The following KHDRBS2 variants were observed in gnomAD, a reference collection of about 807,000 sequenced individuals.
KHDRBS2 encodes the protein KH domain-containing, RNA-binding, signal transduction-associated protein 2.
In KHDRBS2, 26 loss-of-function variants were observed where a neutral mutation model predicts 44.3. That is an observed-to-expected ratio of 0.59 (90% CI 0.43 to 0.81). The LOEUF is 0.81. Among genes scored for constraint, KHDRBS2 ranks in the 40% least tolerant of loss-of-function variants. The probability of loss-of-function intolerance (pLI) is 0.00; values close to 1 mark genes in which losing one functional copy is unlikely to be tolerated. For synonymous variants in KHDRBS2, 194 were observed against 151.1 expected (o/e 1.28, Z -2.08); for missense variants, 476 against 433.1 (o/e 1.10, Z -0.88).
chr6:61,637,367 C>G, the KHDRBS2 span, among the ~76,000 whole-genome samples: 1 of 152,140 alleles, frequency 6.6e-6, no homozygotes, highest in Non-Finnish European at 1.5e-5. Flanking sequence ...ATGAACTCAT[C>G]ATTTTTTATG....
At chr6:62,118,366 T>A (rs184373571) in intron 2 of KHDRBS2, among the ~76,000 whole-genome samples, 22 of 152,312 alleles carry the variant, frequency 1.4e-4, no homozygotes, top group Admixed American at 1.4e-3. Context: ...CAAGATTGCT[T>A]TGGCTATTTG....
the KHDRBS2 span, chr6:61,659,248 T>A: frequency 4.6e-5 from 7 of 151,858 alleles, no homozygotes; most frequent in South Asian, 2.1e-4. Flanking sequence ...AATATAAACA[T>A]GAGGTGCTGA....
the KHDRBS2 span, among the ~76,000 whole-genome samples, chr6:61,659,605 C>T: frequency 6.6e-6 from 1 of 151,542 alleles, no homozygotes; most frequent in Non-Finnish European, 1.5e-5. Flanking sequence ...GAACTAAAAC[C>T]CAAATGAATT....
At chr6:62,272,529 G>A (rs1251664574) in intron 1 of KHDRBS2, among the ~76,000 whole-genome samples, 1 of 152,122 alleles carries the variant, frequency 6.6e-6, no homozygotes, top group Non-Finnish European at 1.5e-5. Context: ...TGCCCACTGA[G>A]GCATTCCATC....
At chr6:62,242,941 A>T (rs1477754169) in intron 1 of KHDRBS2, among the ~76,000 whole-genome samples, 1 of 152,162 alleles carries the variant, frequency 6.6e-6, no homozygotes, top group Non-Finnish European at 1.5e-5. Flanking sequence ...TCACAGAATG[A>T]CAAAAGGTAT....
chr6:61,945,125 A>G (rs796331283), intron 4 of KHDRBS2, among the ~76,000 whole-genome samples: 3,995 of 83,738 alleles, frequency 0.048, 558 homozygotes, highest in East Asian at 0.21. Context: ...ATATATATAT[A>G]TATATATATA....
chr6:61,615,384 G>A, the KHDRBS2 span, among the ~76,000 whole-genome samples: 664 of 152,222 alleles, frequency 4.4e-3, 6 homozygotes, highest in African/African-American at 0.015. Context: ...ACTTAGCAAA[G>A]TGCTGAACCT....
rs143701764 is a variant in KHDRBS2 at position 62,279,476 on chromosome 6, T to C, written c.91+6382A>G. Among the ~76,000 whole-genome samples the C allele has an allele frequency of 2.6e-3, 395 of 152,290 alleles. 1 individual carries two copies. The highest frequency in any genetic ancestry group is 9.1e-3 in the African/African-American group (379 of 41,554). Reference sequence around the variant, plus strand: ...GAAACATTTATTGAGGCCTTCTACATATAAGACTGAAGGCAAGCATTAAAA... The same window carrying C: ...GAAACATTTATTGAGGCCTTCTACACATAAGACTGAAGGCAAGCATTAAAA... On this transcript the variant is annotated intron_variant, in intron 1 of 8. Coordinates refer to ENST00000281156, the MANE Select transcript of KHDRBS2 (RefSeq NM_152688.4).
intron 6 of KHDRBS2, among the ~76,000 whole-genome samples, chr6:61,876,700 C>T (rs1799457625): frequency 6.6e-6 from 1 of 151,944 alleles, no homozygotes; most frequent in Admixed American, 6.6e-5. Flanking sequence ...ACGGGAGGAG[C>T]TTGAAATCAA....
intron 1 of KHDRBS2, among the ~76,000 whole-genome samples, chr6:62,221,994 A>G (rs1346620143): frequency 6.6e-6 from 1 of 152,222 alleles, no homozygotes; most frequent in Non-Finnish European, 1.5e-5. Flanking sequence ...AGTAGCAAAA[A>G]TAAATCAAAT....
chr6:62,188,999 C>A (rs1391712032), intron 1 of KHDRBS2, among the ~76,000 whole-genome samples: 4 of 152,078 alleles, frequency 2.6e-5, no homozygotes, highest in Non-Finnish European at 4.4e-5. Flanking sequence ...CCTGTAATCC[C>A]ATCTACTCAA....
chr6:61,749,158 G>A (rs1169776914), intron 6 of KHDRBS2, among the ~76,000 whole-genome samples: 1 of 151,320 alleles, frequency 6.6e-6, no homozygotes. Context: ...GACTACAGGC[G>A]CCCGCCACCA....
At chr6:61,628,734 T>C in the KHDRBS2 span, among the ~76,000 whole-genome samples, 2 of 152,336 alleles carry the variant, frequency 1.3e-5, no homozygotes, top group South Asian at 2.1e-4. Context: ...ATTGTATGCA[T>C]ACTTCCATAC....
chr6:62,188,168 C>G (rs1378436426), intron 1 of KHDRBS2, among the ~76,000 whole-genome samples: 1 of 152,048 alleles, frequency 6.6e-6, no homozygotes, highest in Non-Finnish European at 1.5e-5. Flanking sequence ...ACACCTCCCA[C>G]TAGCCTCCAC....
At chr6:62,083,996 G>T (rs1797925714) in intron 2 of KHDRBS2, among the ~76,000 whole-genome samples, 1 of 152,090 alleles carries the variant, frequency 6.6e-6, no homozygotes, top group South Asian at 2.1e-4. Context: ...TAAATAAAAT[G>T]CATTTCTAAT....
intron 6 of KHDRBS2, among the ~76,000 whole-genome samples, chr6:61,830,460 T>C (rs1201476673): frequency 6.6e-6 from 1 of 152,222 alleles, no homozygotes; most frequent in Non-Finnish European, 1.5e-5. Context: ...ATAGAACATT[T>C]TGGAAACCTG....
the KHDRBS2 span, among the ~76,000 whole-genome samples, chr6:61,656,128 C>T: frequency 1.3e-5 from 2 of 151,976 alleles, no homozygotes; most frequent in Admixed American, 6.6e-5. Context: ...TTTCATTTAA[C>T]GGATCTTTAC....
intron 3 of KHDRBS2, among the ~76,000 whole-genome samples, chr6:61,978,616 A>G (rs772861085): frequency 1.3e-5 from 2 of 152,082 alleles, no homozygotes; most frequent in Non-Finnish European, 2.9e-5. Flanking sequence ...GTTCTTTAAG[A>G]AAACTAAAAC....
At chr6:62,204,098 C>T (rs925231237) in intron 1 of KHDRBS2, among the ~76,000 whole-genome samples, 1 of 152,196 alleles carries the variant, frequency 6.6e-6, no homozygotes, top group African/African-American at 2.4e-5. Flanking sequence ...GAAGCAGATG[C>T]TGGTGTCATC....
Sources: gnomAD v4.1 joint callset for allele counts (sites outside exome capture counted in the v4.1 genomes callset) on GRCh38, gnomAD v4.1.1 for gene constraint, MANE v1.5 for transcripts, NCBI Gene and HGNC (gene_info 2026-07-23, HGNC 2026-07-21) for gene names.